Variants in FBXO34 observed in about 807,000 individuals in gnomAD.
The protein encoded by FBXO34 is F-box protein 34, also known as F-box only protein 34.
Under a neutral mutation model 24.5 loss-of-function variants are expected in FBXO34, and 12 were observed. The observed-to-expected ratio is 0.49, with a 90% CI of 0.31 to 0.79. The LOEUF (loss-of-function observed/expected upper bound fraction) is 0.79, where lower values mean the gene tolerates loss of function less well. Ranked by LOEUF, FBXO34 falls within the 30% of genes least tolerant of loss-of-function variation. The probability of loss-of-function intolerance (pLI) is 0.04; values close to 1 mark genes in which losing one functional copy is unlikely to be tolerated. For synonymous variants in FBXO34, 320 were observed against 311.9 expected (o/e 1.03, Z -0.27); for missense variants, 823 against 857.7 (o/e 0.96, Z 0.51).
At chr14:55,440,131 A>C in the FBXO34 span, among the ~76,000 whole-genome samples, 74,849 of 151,492 alleles carry the variant, frequency 0.49, 18,611 homozygotes, top group East Asian at 0.6. Flanking sequence ...TCAATCAAAA[A>C]CCAGAACAAC....
intron 1 of FBXO34, among the ~76,000 whole-genome samples, chr14:55,294,126 C>T (rs1566543502): frequency 6.6e-6 from 1 of 151,968 alleles, no homozygotes; most frequent in Non-Finnish European, 1.5e-5. Context: ...TCTTTGCTTG[C>T]ACTTCTAAGC....
chr14:55,353,721 G>C (rs149531026), downstream of FBXO34: 42 of 164,386 alleles, frequency 2.6e-4, 2 homozygotes, highest in East Asian at 4.2e-3. Flanking sequence ...TGGAGATAAA[G>C]TGTTTTTTTC....
At chr14:55,343,659 C>T (rs776348118) in intron 1 of FBXO34, among the ~76,000 whole-genome samples, 52 of 152,284 alleles carry the variant, frequency 3.4e-4, no homozygotes, top group East Asian at 1.9e-4. Context: ...CATGAACTGT[C>T]GTATCTTCTA....
chr14:55,383,098 G>C, the FBXO34 span, among the ~76,000 whole-genome samples: 2 of 152,164 alleles, frequency 1.3e-5, no homozygotes, highest in Non-Finnish European at 2.9e-5. Context: ...AGTCTCTCAA[G>C]TGCTTTTCCT....
At chr14:55,431,125 C>A in the FBXO34 span, among the ~76,000 whole-genome samples, 1 of 152,218 alleles carries the variant, frequency 6.6e-6, no homozygotes, top group African/African-American at 2.4e-5. Context: ...ATCCCTCATA[C>A]TCTTGCTGTT....
chr14:55,336,013 C>T lies in FBXO34; in HGVS notation c.-10-14368C>T, dbSNP rs1378681788. 4.6e-5 allele frequency among the ~76,000 whole-genome samples: 7 copies of T among 151,932 alleles called. No individual in the cohort carries two copies. In the East Asian group the frequency reaches 1.3e-3, roughly 29 times the overall value. Reference sequence around the variant, plus strand: ...AGATACCTTTGAATGGTAAAATTTCCTATGCATTTATTTAAATGTTTATAT... The same window carrying T: ...AGATACCTTTGAATGGTAAAATTTCTTATGCATTTATTTAAATGTTTATAT... On this transcript the variant is annotated intron_variant, in intron 1 of 1. Transcript: ENST00000313833.
intron 1 of FBXO34, among the ~76,000 whole-genome samples, chr14:55,312,653 C>T (rs904095585): frequency 2.6e-5 from 4 of 152,236 alleles, no homozygotes; most frequent in Non-Finnish European, 5.9e-5. Flanking sequence ...TTTCGTGCAC[C>T]TGCAGGCCCA....
At chr14:55,305,788 C>T (rs1243622377) in intron 1 of FBXO34, among the ~76,000 whole-genome samples, 4 of 152,182 alleles carry the variant, frequency 2.6e-5, no homozygotes, top group African/African-American at 7.2e-5. Context: ...GGATTTTTCC[C>T]GATCTGAATT....
the FBXO34 span, among the ~76,000 whole-genome samples, chr14:55,410,333 G>C: frequency 7.9e-5 from 12 of 152,326 alleles, no homozygotes; most frequent in East Asian, 2.3e-3. Flanking sequence ...AATAGACATA[G>C]TAAAACGTGT....
At chr14:55,297,538 CCTTT>C (rs139470551) in intron 1 of FBXO34, among the ~76,000 whole-genome samples, 1,699 of 152,286 alleles carry the variant, frequency 0.011, 13 homozygotes, top group Middle Eastern at 0.027. Context: ...TGTTAATTTT[CCTTT>C]CTCTTTGCCA....
In FBXO34 at chr14:55,351,400, ACACT is replaced by A; in HGVS notation, c.1013_1016del (p.Thr338ArgfsTer2). 6.2e-7 allele frequency: 1 copy of A among 1,614,138 alleles called. No individual in the cohort carries two copies. Among genetic ancestry groups the A allele is most frequent in the Non-Finnish European group, 8.5e-7 (1 of 1,180,020 alleles). On this transcript the variant is annotated frameshift_variant, in exon 2 of 2. Transcript: ENST00000313833. LOFTEE classifies it low-confidence loss of function (END_TRUNC). ...AAGAAAGGCGTCTTGGAGGCACCTG[ACACT>A]CAGGTGAATCCTGTGGGGTCTGTAT...
At position 55,314,398 on chromosome 14, in the gene FBXO34, A is replaced by G. The variant is rs533221089; in HGVS notation, c.-10-35983A>G. The stretch of plus-strand genomic sequence containing the variant: ...GGGGAAACCTAATGTGAGATAGTTA[A>G]CCAAATACACACCTTGGTGTAAACT... On this transcript the variant is annotated intron_variant, in intron 1 of 1. Transcript: ENST00000313833. Among the ~76,000 whole-genome samples, 8 of 152,272 alleles carry G rather than the reference A, an allele frequency of 5.3e-5. No individual in the cohort carries two copies. In the South Asian group the frequency reaches 1.7e-3, roughly 32 times the overall value.
At chr14:55,323,225 AT>A (rs1194283087) in intron 1 of FBXO34, among the ~76,000 whole-genome samples, 3,118 of 19,174 alleles carry the variant, frequency 0.16, 166 homozygotes, top group Non-Finnish European at 0.17. Context: ...AAAAATATAT[AT>A]TTTTTTTTTT....
At chr14:55,368,690 T>C (rs1258273634), downstream of FBXO34, 1 of 152,046 alleles carries the variant, frequency 6.6e-6, no homozygotes, top group African/African-American at 2.4e-5. Flanking sequence ...CTCAATCCCA[T>C]AGAAAGAAAG....
In FBXO34 at chr14:55,328,012, C is replaced by T. The variant is rs189038768; in HGVS notation, c.-10-22369C>T. On this transcript the variant is annotated intron_variant, in intron 1 of 1. Transcript: ENST00000313833. ...TGGTCTCAGCTCACTGGAGCCTCCGCCTCCTGGGTTCAAGCAGTTCTCCTG... is the reference window on the plus strand; with the variant it reads ...TGGTCTCAGCTCACTGGAGCCTCCGTCTCCTGGGTTCAAGCAGTTCTCCTG... 1.5e-3 allele frequency among the ~76,000 whole-genome samples: 216 copies of T among 142,574 alleles called. 1 individual carries two copies. Among genetic ancestry groups the T allele is most frequent in the Admixed American group, 0.015 (202 of 13,758 alleles). The allele number at this position is 142,574 out of a possible 152,430, so 93.5% of individuals were successfully genotyped here. A position where few individuals can be genotyped will look rare whatever the true frequency, so the allele number is the denominator to read the frequency against.
intron 1 of FBXO34, among the ~76,000 whole-genome samples, chr14:55,335,615 ATTTGGC>A (rs1883748850): frequency 1.3e-5 from 2 of 152,206 alleles, no homozygotes; most frequent in Admixed American, 1.3e-4. Context: ...ATGAGTGTGC[ATTTGGC>A]TTTGTTTAAA....
At chr14:55,380,692 T>C in the FBXO34 span, 1 of 1,587,904 alleles carries the variant, frequency 6.3e-7, no homozygotes, top group Non-Finnish European at 8.6e-7. Flanking sequence ...GCTCCATGTC[T>C]GCAGTAAGAA....
downstream of FBXO34, chr14:55,369,848 T>C: frequency 6.2e-7 from 1 of 1,614,184 alleles, no homozygotes; most frequent in Non-Finnish European, 8.5e-7. Flanking sequence ...TCCGCTCTCA[T>C]CTGATTCTCC....
At chr14:55,332,074 G>A (rs1202382669) in intron 1 of FBXO34, among the ~76,000 whole-genome samples, 1 of 109,242 alleles carries the variant, frequency 9.2e-6, no homozygotes, top group Non-Finnish European at 1.8e-5. Flanking sequence ...CACCGTGGTG[G>A]TATGTATAAA....
Sources: allele counts gnomAD v4.1 joint callset (sites outside exome capture counted in the v4.1 genomes callset), GRCh38; gene constraint gnomAD v4.1.1; transcripts MANE v1.5; gene names NCBI Gene and HGNC (gene_info 2026-07-23, HGNC 2026-07-21).